Variants in DAP observed in about 807,000 individuals in gnomAD.
The protein encoded by DAP is death associated protein, also known as death-associated protein 1.
Under a neutral mutation model 13.8 loss-of-function variants are expected in DAP, and 8 were observed. The observed-to-expected ratio is 0.58, with a 90% CI of 0.34 to 1.05. The LOEUF (loss-of-function observed/expected upper bound fraction) is 1.05, where lower values mean the gene tolerates loss of function less well. Ranked by LOEUF, DAP falls within the 50% of genes least tolerant of loss-of-function variation. The pLI is 0.03. For synonymous variants in DAP, 47 were observed against 47.5 expected, an observed-to-expected ratio of 0.99 and a Z score of 0.04; for missense variants, 106 against 133.2, an observed-to-expected ratio of 0.80 and a Z score of 1.01.
chr5:10,757,434 C>G (rs1740217678), intron 1 of DAP, among the ~76,000 whole-genome samples: 1 of 152,110 alleles, frequency 6.6e-6, no homozygotes, highest in Non-Finnish European at 1.5e-5. Context: ...ACCAGCACAC[C>G]CGACTAATTT....
At chr5:10,702,700 C>T (rs777021399) in intron 2 of DAP, among the ~76,000 whole-genome samples, 10 of 152,212 alleles carry the variant, frequency 6.6e-5, no homozygotes, top group Non-Finnish European at 1.2e-4. Context: ...ATTCACGAGC[C>T]TGAATTAACG....
At chr5:10,755,381 A>C (rs1037341363) in intron 1 of DAP, among the ~76,000 whole-genome samples, 1 of 152,200 alleles carries the variant, frequency 6.6e-6, no homozygotes, top group Admixed American at 6.5e-5. Context: ...TAGAACTGTA[A>C]CATAATAAAA....
intron 2 of DAP, among the ~76,000 whole-genome samples, chr5:10,722,301 C>T (rs542060244): frequency 6.6e-6 from 1 of 152,126 alleles, no homozygotes; most frequent in African/African-American, 2.4e-5. Flanking sequence ...AAACATGAAG[C>T]GAGAGACTGG....
At chr5:10,760,022 T>G (rs1740300013) in intron 1 of DAP, among the ~76,000 whole-genome samples, 1 of 152,070 alleles carries the variant, frequency 6.6e-6, no homozygotes, top group South Asian at 2.1e-4. Flanking sequence ...CCCAAACTGC[T>G]GGGGTTACAG....
At chr5:10,704,937 T>G (rs896279876) in intron 2 of DAP, among the ~76,000 whole-genome samples, 1 of 152,196 alleles carries the variant, frequency 6.6e-6, no homozygotes, top group Non-Finnish European at 1.5e-5. Flanking sequence ...ACTTTCTGGC[T>G]AGCTCTGGTC....
At chr5:10,736,732 G>A (rs1739622465) in intron 2 of DAP, among the ~76,000 whole-genome samples, 2 of 152,154 alleles carry the variant, frequency 1.3e-5, no homozygotes, top group Admixed American at 1.3e-4. Context: ...AACAGCAACG[G>A]GAATCTTCCT....
intron 2 of DAP, among the ~76,000 whole-genome samples, chr5:10,720,862 G>T (rs1289508516): frequency 6.6e-6 from 1 of 152,224 alleles, no homozygotes; most frequent in African/African-American, 2.4e-5. Flanking sequence ...ATATAGGTTT[G>T]CCTATCCTGC....
rs3776417 is a variant in DAP, at chr5:10,708,630, T to C, written c.153-25059A>G. ...CGTACAGTGTGAAAAGCACAGCGAC[T>C]CTGAAACCATGTTATTAATGATAAC... is the stretch of plus-strand genomic sequence containing the variant. On this transcript the variant is annotated intron_variant, in intron 2 of 3. Coordinates refer to ENST00000230895, the MANE Select transcript of DAP (RefSeq NM_004394.3). 4.6e-5 allele frequency among the ~76,000 whole-genome samples: 7 copies of C among 152,330 alleles called. No homozygotes were observed. In the East Asian group the frequency reaches 1.3e-3, roughly 29 times the overall value.
At chr5:10,716,665 C>T (rs1462727275) in intron 2 of DAP, among the ~76,000 whole-genome samples, 2 of 152,196 alleles carry the variant, frequency 1.3e-5, no homozygotes, top group Non-Finnish European at 2.9e-5. Context: ...TCCAGGACTC[C>T]AAGTTCTTCA....
chr5:10,716,539 A>T (rs1738994672), intron 2 of DAP, among the ~76,000 whole-genome samples: 1 of 152,172 alleles, frequency 6.6e-6, no homozygotes, highest in East Asian at 1.9e-4. Flanking sequence ...GGCACCATCT[A>T]ATCAGCCATC....
rs144482767 is a variant in DAP, at chr5:10,758,364, C to CTGAGGGGTGCTGTTGGCATT, written c.55+2630_55+2649dup. Among the ~76,000 whole-genome samples, 178 of 135,724 alleles carry CTGAGGGGTGCTGTTGGCATT rather than the reference C, an allele frequency of 1.3e-3. 1 individual carries two copies. The highest frequency in any genetic ancestry group is 4.9e-3 in the African/African-American group (169 of 34,472). 89.0% of individuals were successfully genotyped at this position (135,724 alleles called of 152,430 possible). A position where few individuals can be genotyped will look rare whatever the true frequency, so the allele number is the denominator to read the frequency against. ...CGCATTTGAGGGGTGCTGTTGGCATCTGAGGGGTGCTGTTGGCATTTGAGG... is the reference window on the plus strand; with the variant it reads ...CGCATTTGAGGGGTGCTGTTGGCATCTGAGGGGTGCTGTTGGCATTTGAGGGGTGCTGTTGGCATTTGAGG... On this transcript the variant is annotated intron_variant, in intron 1 of 3. Transcript: ENST00000230895.
At chr5:10,753,088 G>A (rs1313869619) in intron 1 of DAP, among the ~76,000 whole-genome samples, 3 of 152,176 alleles carry the variant, frequency 2.0e-5, no homozygotes, top group Non-Finnish European at 4.4e-5. Context: ...CAGGACCTCC[G>A]TCATTACATC....
intron 1 of DAP, among the ~76,000 whole-genome samples, chr5:10,754,838 T>C (rs118091295): frequency 7.9e-5 from 12 of 152,318 alleles, no homozygotes; most frequent in East Asian, 3.9e-4. Flanking sequence ...CGTAGTTGGA[T>C]TGGGGGCATC....
intron 2 of DAP, among the ~76,000 whole-genome samples, chr5:10,683,978 C>CT (rs1195805414): frequency 6.6e-6 from 1 of 152,154 alleles, no homozygotes; most frequent in Non-Finnish European, 1.5e-5. Flanking sequence ...TGTGCAGCAT[C>CT]ATACCTGGCT....
chr5:10,697,668 AG>A (rs1416937861), intron 2 of DAP, among the ~76,000 whole-genome samples: 1 of 152,244 alleles, frequency 6.6e-6, no homozygotes, highest in Non-Finnish European at 1.5e-5. Flanking sequence ...GGCTCTAAAA[AG>A]GAAAATGATC....
intron 2 of DAP, among the ~76,000 whole-genome samples, chr5:10,689,268 C>G (rs892572089): frequency 6.6e-6 from 1 of 152,004 alleles, no homozygotes; most frequent in Non-Finnish European, 1.5e-5. Flanking sequence ...ACATTTAGCA[C>G]CTCACTCCCA....
At chr5:10,708,852 TG>T (rs1348967407) in intron 2 of DAP, among the ~76,000 whole-genome samples, 2 of 152,240 alleles carry the variant, frequency 1.3e-5, no homozygotes, top group Non-Finnish European at 2.9e-5. Flanking sequence ...CTGTGCCTGT[TG>T]TTGGGTGAGT....
At chr5:10,744,239 T>G (rs1275969143) in intron 2 of DAP, among the ~76,000 whole-genome samples, 2 of 152,204 alleles carry the variant, frequency 1.3e-5, no homozygotes, top group African/African-American at 4.8e-5. Context: ...TGGCATTTGG[T>G]GTTAGGTACT....
At chr5:10,746,391 A>AT (rs1739907762) in intron 2 of DAP, among the ~76,000 whole-genome samples, 1 of 148,304 alleles carries the variant, frequency 6.7e-6, no homozygotes, top group Non-Finnish European at 1.5e-5. Flanking sequence ...GTGCAGTGGC[A>AT]TGATCTTGGC....
Sources: gnomAD v4.1 joint callset for allele counts (sites outside exome capture counted in the v4.1 genomes callset) on GRCh38, gnomAD v4.1.1 for gene constraint, MANE v1.5 for transcripts, NCBI Gene and HGNC (gene_info 2026-07-23, HGNC 2026-07-21) for gene names.